Variants in PDXDC1 observed in about 807,000 individuals in gnomAD.
PDXDC1 encodes the protein pyridoxal dependent decarboxylase domain containing 1.
A neutral mutation model predicts 100.1 loss-of-function variants in PDXDC1; 42 were observed. The ratio of observed to expected loss-of-function variants is 0.42; its 90% CI spans 0.33 to 0.54. The LOEUF is 0.54. Ranked by LOEUF, PDXDC1 falls within the 20% of genes least tolerant of loss-of-function variation. The probability of loss-of-function intolerance (pLI) is 0.10; values close to 1 mark genes in which losing one functional copy is unlikely to be tolerated. For synonymous variants in PDXDC1, 260 were observed against 371.7 expected, an observed-to-expected ratio of 0.70 and a Z score of 3.46; for missense variants, 636 against 979.2, an observed-to-expected ratio of 0.65 and a Z score of 4.68.
the PDXDC1 span, among the ~76,000 whole-genome samples, chr16:15,147,260 G>C: frequency 9.7e-4 from 148 of 152,250 alleles, no homozygotes; most frequent in Non-Finnish European, 1.2e-3. Flanking sequence ...AGCCCGACTC[G>C]GAAGCGCCAC....
At chr16:15,056,045 CCCCGCCCCTCGG>C (rs2044506513) in intron 16 of PDXDC1, 4 of 636,356 alleles carry the variant, frequency 6.3e-6, no homozygotes, top group Admixed American at 5.6e-5. Context: ...CGCCCGCCGC[CCCCGCCCCTCGG>C]GCCGCGCGTC....
At chr16:15,049,101 C>T (rs1349795605) in intron 16 of PDXDC1, among the ~76,000 whole-genome samples, 1 of 150,674 alleles carries the variant, frequency 6.6e-6, no homozygotes, top group Admixed American at 6.6e-5. Flanking sequence ...CCTATGCTCC[C>T]CAGGCTGGTC....
Position 15,036,074 on chromosome 16 carries a change from A to G in PDXDC1, c.2166A>G (p.Ser722=), listed in dbSNP as rs577873374. ...CAGATGCTTTGAGTGAGACCAGCTC[A>G]GTCAGTCACATTGAAGACTTAGAAA... ...RGSDALSETS[S]VSHIEDLEKV... is the part of the protein sequence containing the mutation. Residue 722 remains serine, a synonymous_variant, in exon 23 of 23, where the codon TCA becomes TCG. Coordinates refer to ENST00000396410, the MANE Select transcript of PDXDC1 (RefSeq NM_015027.4). 8.7e-6 allele frequency: 14 copies of G among 1,614,160 alleles called. No individual in the cohort carries two copies. In the African/African-American group the frequency reaches 1.6e-4, roughly 18 times the overall value.
intron 20 of PDXDC1, 36 bp from the exon 21 acceptor site, chr16:15,034,421 G>A: frequency 1.3e-5 from 21 of 1,613,468 alleles, no homozygotes; most frequent in Non-Finnish European, 1.8e-5. Context: ...GCCGCCGTGA[G>A]GCCAGGTGGC....
At chr16:15,132,876 G>A (rs1005586117) in intron 16 of PDXDC1, 12 of 1,590,562 alleles carry the variant, frequency 7.5e-6, no homozygotes, top group African/African-American at 5.4e-5. Context: ...CGCTCGTACT[G>A]GGGCAGGCAG....
chr16:15,005,081 A>G (rs532801713), intron 5 of PDXDC1, among the ~76,000 whole-genome samples: 1 of 152,396 alleles, frequency 6.6e-6, no homozygotes, highest in African/African-American at 2.4e-5. Context: ...CTCTGAGGCC[A>G]GGCACGGTGG....
Position 15,132,879 on chromosome 16 carries a change from G to A in PDXDC1, c.1400-6000G>A, listed in dbSNP as rs551787381. ...ACGTCCAGGGCCCGCTCGTACTGGG[G>A]CAGGCAGGCGGCACAGCAAGCTGTC... On this transcript the variant is annotated intron_variant, in intron 16 of 16. Transcript: ENST00000535621. 901 of 1,591,708 alleles carry A rather than the reference G, an allele frequency of 5.7e-4. 5 individuals are homozygous for A. In the African/African-American group the frequency reaches 0.01, roughly 18 times the overall value.
rs2151741148 is a variant in PDXDC1, at chr16:15,055,996, C to T, written c.1399+25940C>T. 4 of 1,186,674 alleles carry T rather than the reference C, an allele frequency of 3.4e-6. No individual in the cohort carries two copies. The East Asian group carries it at 1.4e-4, about 40-fold the overall frequency. The allele number at this position is 1,186,674 out of a possible 1,614,324, so 73.5% of individuals were successfully genotyped here. A position where few individuals can be genotyped will look rare whatever the true frequency, so the allele number is the denominator to read the frequency against. On this transcript the variant is annotated intron_variant, in intron 16 of 16. Coordinates refer to the PDXDC1 transcript ENST00000535621. ...TCGCGGAGGCGGCCGCCCAGGCAGG[C>T]CCAGGGAGGCGGCGGCCCCCCGCTT...
intron 6 of PDXDC1, among the ~76,000 whole-genome samples, chr16:15,007,505 T>C (rs1203366398): frequency 6.6e-6 from 1 of 152,266 alleles, no homozygotes; most frequent in African/African-American, 2.4e-5. Context: ...TCATGGTGCT[T>C]CTAGCCCAAC....
At position 15,106,928 on chromosome 16, in the gene PDXDC1, C is replaced by T; in HGVS notation, c.1400-31951C>T. The T allele has an allele frequency of 2.8e-5, 6 of 216,314 alleles. 1 individual carries two copies. Among genetic ancestry groups the T allele is most frequent in the South Asian group, 2.1e-4 (6 of 28,088 alleles). 13.4% of individuals were successfully genotyped at this position (216,314 alleles called of 1,614,324 possible). ...GCATCTTTTATCATAAAGCTGTATT[C>T]TCTTTGTATTAATATCTTTACTGTG... On this transcript the variant is annotated intron_variant, in intron 16 of 16. Transcript: ENST00000535621.
intron 16 of PDXDC1, among the ~76,000 whole-genome samples, chr16:15,058,588 A>T (rs2044606986): frequency 6.6e-6 from 1 of 152,038 alleles, no homozygotes; most frequent in Non-Finnish European, 1.5e-5. Flanking sequence ...TTAGCCAGGC[A>T]TGGTGGTGCG....
intron 14 of PDXDC1, among the ~76,000 whole-genome samples, chr16:15,027,331 C>A (rs143595209): frequency 6.6e-6 from 1 of 152,278 alleles, no homozygotes; most frequent in South Asian, 2.1e-4. Flanking sequence ...TGTGGGGCTC[C>A]GACCCCATGG....
rs907715252 is a variant in PDXDC1, at chr16:15,137,336, A to G, written c.1400-1543A>G. On this transcript the variant is annotated intron_variant, in intron 16 of 16. Coordinates refer to the PDXDC1 transcript ENST00000535621. ...CGGCGGGGGGCCGGAGCAGAGGGAC[A>G]GGCAGGCGAAGGAGGCACTAGAGGG... 484 of 1,452,006 alleles carry G rather than the reference A, an allele frequency of 3.3e-4. 1 individual carries two copies. The highest frequency in any genetic ancestry group is 4.2e-4 in the Non-Finnish European group (455 of 1,072,302). The allele number at this position is 1,452,006 out of a possible 1,614,324, so 89.9% of individuals were successfully genotyped here.
rs2044519088 is a variant in PDXDC1 at position 15,056,297 on chromosome 16, G to A, written c.1399+26241G>A. On this transcript the variant is annotated intron_variant, in intron 16 of 16. Coordinates refer to the PDXDC1 transcript ENST00000535621. ...GCGTGGGAGTGAAGGAGCGGGGAAA[G>A]GAGAGCTGCCAGGGAGCAGCTGCAC... 1.3e-5 allele frequency among the ~76,000 whole-genome samples: 2 copies of A among 152,252 alleles called. 1 individual carries two copies. The highest frequency in any genetic ancestry group is 4.1e-4 in the South Asian group (2 of 4,838).
In PDXDC1 at chr16:15,038,012, C is replaced by CTTTGGTAATTCATGTTTTTT; in HGVS notation, c.*1738_*1757dup. The CTTTGGTAATTCATGTTTTTT allele has an allele frequency of 6.3e-7, 1 of 1,599,714 alleles. No individual in the cohort carries two copies. Among genetic ancestry groups the CTTTGGTAATTCATGTTTTTT allele is most frequent in the Non-Finnish European group, 8.5e-7 (1 of 1,170,770 alleles). ...GTCTGTCAGGCCAAGAAGGTGCTTT[C>CTTTGGTAATTCATGTTTTTT]TTTGGTAATTCATGTTTTTTAACTT... On this transcript the variant is annotated 3_prime_UTR_variant, in exon 23 of 23. Transcript: ENST00000396410.
downstream of PDXDC1, among the ~76,000 whole-genome samples, chr16:15,141,129 G>A (rs569480567): frequency 3.0e-5 from 4 of 133,934 alleles, no homozygotes; most frequent in Admixed American, 1.5e-4. Context: ...AGCCCCTGCC[G>A]GCCTCCAGCC....
Position 15,092,583 on chromosome 16 carries a change from A to T in PDXDC1, c.1400-46296A>T, listed in dbSNP as rs150087182. 1.3e-3 allele frequency: 2,107 copies of T among 1,613,240 alleles called. 3 individuals carry two copies. Among genetic ancestry groups the T allele is most frequent in the South Asian group, 1.6e-3 (146 of 91,038 alleles). The stretch of plus-strand genomic sequence containing the variant: ...GTTTTTCTTGGGGGAGAATTGAAAA[A>T]GTCATTCTCTAATGCACGCATATTT... On this transcript the variant is annotated intron_variant, in intron 16 of 16. Coordinates refer to the PDXDC1 transcript ENST00000535621.
chr16:15,086,095 T>A, intron 16 of PDXDC1: 3 of 1,589,320 alleles, frequency 1.9e-6, no homozygotes, highest in Non-Finnish European at 2.6e-6. Flanking sequence ...AAAGAAGTAT[T>A]AAAAAGAAAA....
intron 16 of PDXDC1, chr16:15,130,250 G>T (rs1395340527): frequency 1.3e-6 from 2 of 1,548,182 alleles, no homozygotes; most frequent in Non-Finnish European, 1.7e-6. Context: ...GGCTGGCGCC[G>T]AAGGCGGTGA....
Sources: allele counts gnomAD v4.1 joint callset (sites outside exome capture counted in the v4.1 genomes callset), GRCh38; gene constraint gnomAD v4.1.1; transcripts MANE v1.5; gene names NCBI Gene and HGNC (gene_info 2026-07-23, HGNC 2026-07-21).